The following EXOC2 variants were observed in gnomAD, a reference collection of about 807,000 sequenced individuals.
EXOC2 encodes the protein SEC5-like 1.
EXOC2 carries 70 observed loss-of-function variants against 131.8 expected under a neutral mutation model. The ratio of observed to expected loss-of-function variants is 0.53; its 90% CI spans 0.44 to 0.65. EXOC2 has a LOEUF of 0.65. Among genes scored for constraint, EXOC2 ranks in the 30% least tolerant of loss-of-function variants. The pLI, the probability that EXOC2 is intolerant of heterozygous loss-of-function variation, is 0.00. For missense variants in EXOC2, 923 were observed against 1,108.6 expected (o/e 0.83, Z 2.38); for synonymous variants, 411 against 398.4 (o/e 1.03, Z -0.38).
intron 1 of EXOC2, among the ~76,000 whole-genome samples, chr6:670,695 T>C (rs2127775056): frequency 1.3e-5 from 2 of 152,294 alleles, no homozygotes; most frequent in Middle Eastern, 6.8e-3. Context: ...CTCTTTAATC[T>C]CTGAATGATT....
intron 23 of EXOC2, among the ~76,000 whole-genome samples, chr6:518,553 A>G (rs1243384342): frequency 6.6e-6 from 1 of 152,248 alleles, no homozygotes; most frequent in East Asian, 1.9e-4. Flanking sequence ...GTCATCTTGA[A>G]GTTAATAAAT....
chr6:491,157 G>A lies in EXOC2; in HGVS notation c.2589C>T (p.Asp863=), dbSNP rs749509221. ...QARLEICALR[D]TVAVYLTPES... ...CGGGTGTCAGGTAAACAGCCACAGT[G>A]TCCCTCAAAGCACAGATTTCAAGTC... is the stretch of plus-strand genomic sequence containing the variant. Residue 863 remains aspartate (D), a synonymous_variant, in exon 26 of 28, where the codon GAC becomes GAT. Transcript: ENST00000230449. 2.8e-5 allele frequency: 46 copies of A among 1,614,042 alleles called. No individual in the cohort carries two copies. Among genetic ancestry groups the A allele is most frequent in the Non-Finnish European group, 3.9e-5 (46 of 1,180,040 alleles).
chr6:532,510 T>G lies in EXOC2; in HGVS notation c.2339A>C (p.Tyr780Ser). The G allele has an allele frequency of 6.2e-7, 1 of 1,607,070 alleles. No individual in the cohort carries two copies. Among genetic ancestry groups the G allele is most frequent in the Non-Finnish European group, 8.5e-7 (1 of 1,178,026 alleles). ...PIVGSLEPGI[Y>S]AGYFDWKDCL... Reference sequence around the variant, plus strand: ...GTCCTTCCAATCAAAATATCCTGCATAAATTCCAGGTTCTAAGGAGCCAAC... The same window carrying G: ...GTCCTTCCAATCAAAATATCCTGCAGAAATTCCAGGTTCTAAGGAGCCAAC... The change falls in exon 23 of 28, where the codon TAT becomes TCT. Residue 780 changes from tyrosine (Y) to serine (S), a missense_variant. Tyr to Ser is a moderately radical substitution (Grantham distance 144). Transcript: ENST00000230449.
intron 23 of EXOC2, among the ~76,000 whole-genome samples, chr6:509,989 CT>C (rs536189783): frequency 2.0e-5 from 3 of 151,778 alleles, no homozygotes; most frequent in East Asian, 1.9e-4. Flanking sequence ...CCACAATGTA[CT>C]TTTTTTTATT....
chr6:530,761 TC>T (rs1342070319), intron 23 of EXOC2, among the ~76,000 whole-genome samples: 11 of 152,214 alleles, frequency 7.2e-5, no homozygotes, highest in Non-Finnish European at 1.3e-4. Context: ...ATCTGTGGCC[TC>T]CACAACAGTG....
chr6:522,760 G>A (rs1316171685), intron 23 of EXOC2, among the ~76,000 whole-genome samples: 1 of 152,254 alleles, frequency 6.6e-6, no homozygotes, highest in African/African-American at 2.4e-5. Flanking sequence ...CCAGGTCTGA[G>A]GGGATGAAAG....
At chr6:632,717 C>T (rs149969420) in intron 3 of EXOC2, among the ~76,000 whole-genome samples, 7 of 152,302 alleles carry the variant, frequency 4.6e-5, no homozygotes, top group Non-Finnish European at 7.3e-5. Context: ...AGTTCTCATA[C>T]GACCGTCATC....
At chr6:580,842 A>G (rs1185200524) in intron 11 of EXOC2, among the ~76,000 whole-genome samples, 1 of 152,216 alleles carries the variant, frequency 6.6e-6, no homozygotes, top group Non-Finnish European at 1.5e-5. Context: ...CAACACAGAA[A>G]AGACATTTAT....
At chr6:677,329 T>G (rs1174002443) in intron 1 of EXOC2, among the ~76,000 whole-genome samples, 2 of 152,256 alleles carry the variant, frequency 1.3e-5, no homozygotes, top group African/African-American at 4.8e-5. Context: ...ATTAGTGGGT[T>G]GAAGTTTTTG....
At chr6:640,035 G>C (rs964024185) in intron 1 of EXOC2, among the ~76,000 whole-genome samples, 6 of 152,200 alleles carry the variant, frequency 3.9e-5, no homozygotes, top group Non-Finnish European at 8.8e-5. Flanking sequence ...AAATAATTCT[G>C]AGAATTAAAT....
intron 25 of EXOC2, among the ~76,000 whole-genome samples, chr6:495,270 C>T (rs190551751): frequency 0.029 from 4,350 of 152,022 alleles, 78 homozygotes; most frequent in Middle Eastern, 0.044. Flanking sequence ...GGACTACAGG[C>T]GCCCGCCACC....
chr6:542,450 C>T (rs951129328), intron 22 of EXOC2, among the ~76,000 whole-genome samples: 3 of 152,212 alleles, frequency 2.0e-5, no homozygotes, highest in Admixed American at 6.5e-5. Context: ...GGAGGAGAGG[C>T]CCTACAGGCT....
chr6:559,111 T>C (rs1757573019), intron 17 of EXOC2, among the ~76,000 whole-genome samples: 1 of 152,160 alleles, frequency 6.6e-6, no homozygotes, highest in Admixed American at 6.5e-5. Context: ...CACAAATCAT[T>C]CCAGTTCTTC....
chr6:591,097 C>T (rs1759516395), intron 11 of EXOC2, among the ~76,000 whole-genome samples: 1 of 152,214 alleles, frequency 6.6e-6, no homozygotes, highest in African/African-American at 2.4e-5. Context: ...TCCTGAACGG[C>T]CCTGGAGTCC....
intron 1 of EXOC2, among the ~76,000 whole-genome samples, chr6:670,773 G>A (rs1194160702): frequency 6.6e-6 from 1 of 152,154 alleles, no homozygotes; most frequent in East Asian, 1.9e-4. Context: ...ACACAATAAG[G>A]TAATTATTAA....
intron 23 of EXOC2, among the ~76,000 whole-genome samples, chr6:514,389 T>G (rs563562975): frequency 3.2e-4 from 48 of 152,368 alleles, no homozygotes; most frequent in Non-Finnish European, 4.3e-4. Context: ...ACCTTTTATC[T>G]TGAAGGTTCT....
At chr6:614,079 GCC>G (rs1298378256) in intron 6 of EXOC2, among the ~76,000 whole-genome samples, 1 of 151,996 alleles carries the variant, frequency 6.6e-6, no homozygotes, top group African/African-American at 2.4e-5. Context: ...ATTTAATCTT[GCC>G]CCCCAAAAGG....
At chr6:688,107 G>A (rs952362899) in intron 1 of EXOC2, among the ~76,000 whole-genome samples, 5 of 152,176 alleles carry the variant, frequency 3.3e-5, no homozygotes, top group African/African-American at 1.2e-4. Context: ...AAGCCCCTGC[G>A]ATTCTCCACT....
At chr6:510,484 G>A (rs1413255924) in intron 23 of EXOC2, among the ~76,000 whole-genome samples, 1 of 152,044 alleles carries the variant, frequency 6.6e-6, no homozygotes, top group Non-Finnish European at 1.5e-5. Flanking sequence ...TGCCAACAGT[G>A]AAAATAACAG....
Sources: allele counts gnomAD v4.1 joint callset (sites outside exome capture counted in the v4.1 genomes callset), GRCh38; gene constraint gnomAD v4.1.1; transcripts MANE v1.5; gene names NCBI Gene and HGNC (gene_info 2026-07-23, HGNC 2026-07-21).